The following PIK3R6 variants were observed in gnomAD, a reference collection of about 807,000 sequenced individuals.
The protein encoded by PIK3R6 is phosphoinositide-3-kinase regulatory subunit 6, also known as phosphoinositide 3-kinase regulatory subunit 6.
In PIK3R6, 91 loss-of-function variants were observed where a neutral mutation model predicts 84.9. That is an observed-to-expected ratio of 1.07 (90% confidence interval 0.90 to 1.28). PIK3R6 has a LOEUF of 1.28. PIK3R6 is among the 50% of genes most tolerant of loss of function. PIK3R6 has a pLI of 0.00. For missense variants in PIK3R6, 996 were observed against 985.1 expected (o/e 1.01, Z -0.15); for synonymous variants, 416 against 411.4 (o/e 1.01, Z -0.13).
chr17:8,835,301 T>A lies in PIK3R6; in HGVS notation c.617A>T (p.His206Leu), dbSNP rs759992602. The change falls in exon 8 of 20, where the codon CAC becomes CTC. Residue 206 changes from histidine to leucine, a missense_variant. By Grantham distance (99) the His-to-Leu change is moderately conservative (BLOSUM62 -3). Coordinates refer to ENST00000619866, the MANE Select transcript of PIK3R6 (RefSeq NM_001010855.4). ...ALQAALGEAC[H>L]AGALHRKLQA... is the part of the protein sequence containing the mutation. ...CAGCTTCCTGTGCAGAGCGCCTGCG[T>A]GACAGGCCTCCCCCAGAGCCGCCTG... The A allele has an allele frequency of 2.5e-6, 4 of 1,586,668 alleles. No homozygotes were observed. The East Asian group carries it at 6.8e-5, about 27-fold the overall frequency.
At chr17:8,808,320 C>G (rs544865104) in intron 18 of PIK3R6, among the ~76,000 whole-genome samples, 1 of 152,344 alleles carries the variant, frequency 6.6e-6, no homozygotes, top group African/African-American at 2.4e-5. Flanking sequence ...CCCTCCATAT[C>G]TGCATATGTG....
At chr17:8,825,821 T>A (rs2087897817) in intron 13 of PIK3R6, among the ~76,000 whole-genome samples, 1 of 152,252 alleles carries the variant, frequency 6.6e-6, no homozygotes, top group Non-Finnish European at 1.5e-5. Flanking sequence ...AAAAGTGCTA[T>A]GTCTGACTAC....
intron 2 of PIK3R6, among the ~76,000 whole-genome samples, chr17:8,843,903 T>A (rs529504937): frequency 2.5e-4 from 38 of 152,272 alleles, no homozygotes; most frequent in South Asian, 2.1e-3. Flanking sequence ...CTGAGGCTCC[T>A]GGCAAGTTGA....
chr17:8,826,240 G>GC (rs1567581453), intron 13 of PIK3R6, among the ~76,000 whole-genome samples: 1 of 152,210 alleles, frequency 6.6e-6, no homozygotes. Flanking sequence ...GTTTAGAACA[G>GC]TGCCCAGTGC....
At chr17:8,822,050 GTC>G in intron 16 of PIK3R6, 114 bp from the exon 17 acceptor site, 7 of 522,334 alleles carry the variant, frequency 1.3e-5, no homozygotes, top group Non-Finnish European at 2.2e-5. Context: ...TGCTGTGAGA[GTC>G]TTTTTTTTTT....
In PIK3R6 at chr17:8,857,875, G is replaced by A. The variant is rs2089179830; in HGVS notation, c.-91-7990C>T. Among the ~76,000 whole-genome samples the A allele has an allele frequency of 2.7e-5, 4 of 150,654 alleles. No individual in the cohort carries two copies. In the South Asian group the frequency reaches 8.4e-4, roughly 32 times the overall value. On this transcript the variant is annotated intron_variant, in intron 1 of 19. Transcript: ENST00000619866. ...CAATCGTGCCACTGCACACCAGCCT[G>A]GGCAACAAGAGTGAAACTCTGTCTC...
chr17:8,854,393 C>T (rs536122809), intron 1 of PIK3R6, among the ~76,000 whole-genome samples: 51 of 152,294 alleles, frequency 3.3e-4, no homozygotes, highest in African/African-American at 1.2e-3. Context: ...GTTATCCTCC[C>T]GCCTCGGTCT....
intron 17 of PIK3R6, among the ~76,000 whole-genome samples, 155 bp from the exon 18 acceptor site, chr17:8,819,353 A>C (rs1205835391): frequency 6.6e-6 from 1 of 152,020 alleles, no homozygotes; most frequent in Non-Finnish European, 1.5e-5. Flanking sequence ...GTCCCAGCCA[A>C]GTTACGTTTC....
intron 1 of PIK3R6, among the ~76,000 whole-genome samples, chr17:8,851,144 C>T (rs2088947451): frequency 6.6e-6 from 1 of 151,102 alleles, no homozygotes. Context: ...ATGGATCACG[C>T]ACTTCACACC....
intron 10 of PIK3R6, among the ~76,000 whole-genome samples, chr17:8,829,196 C>G (rs75835000): frequency 7.9e-6 from 1 of 127,116 alleles, no homozygotes; most frequent in African/African-American, 3.2e-5. Flanking sequence ...CAGACATACA[C>G]ACACGTGCAC....
chr17:8,828,532 AGC>A lies in PIK3R6; in HGVS notation c.1313+33_1313+34del, dbSNP rs750554054. On this transcript the variant is annotated intron_variant, in intron 11 of 19. Transcript: ENST00000619866. ...GCCAGGCCCACCTGTGCCCCTGACC[AGC>A]GCCCACCCCCAGCCCCCACGTCGGG... 7.2e-5 allele frequency: 115 copies of A among 1,600,552 alleles called. 1 individual carries two copies. The African/African-American group carries it at 1.3e-3, about 18-fold the overall frequency.
Position 8,850,517 on chromosome 17 carries a change from G to GCAAGCA in PIK3R6, c.-91-633_-91-632insTGCTTG, listed in dbSNP as rs1218327370. On this transcript the variant is annotated intron_variant, in intron 1 of 19. Transcript: ENST00000619866. ...CTATTCAAAGTTAAATAGCTAGTAA[G>GCAAGCA]CAAGGAATGAGGACTTGGAACTCAG... 2.0e-5 allele frequency among the ~76,000 whole-genome samples: 3 copies of GCAAGCA among 152,166 alleles called. No individual in the cohort carries two copies. In the East Asian group the frequency reaches 5.8e-4, roughly 29 times the overall value.
intron 1 of PIK3R6, among the ~76,000 whole-genome samples, chr17:8,863,792 C>G (rs969017952): frequency 6.6e-6 from 1 of 152,192 alleles, no homozygotes; most frequent in African/African-American, 2.4e-5. Context: ...CTCGGCCTCC[C>G]AAAGTGCTGG....
intron 18 of PIK3R6, among the ~76,000 whole-genome samples, chr17:8,815,486 C>T (rs931685897): frequency 4.1e-5 from 6 of 145,774 alleles, no homozygotes; most frequent in African/African-American, 1.6e-4. Flanking sequence ...AACCTGGCAA[C>T]AGAGTGAGAC....
At chr17:8,817,333 C>G (rs1393442414) in intron 18 of PIK3R6, among the ~76,000 whole-genome samples, 1 of 152,122 alleles carries the variant, frequency 6.6e-6, no homozygotes, top group Non-Finnish European at 1.5e-5. Context: ...AATAATGAAA[C>G]TTTTGTTTAT....
rs1239498033 is a variant in PIK3R6, at chr17:8,836,905, C to A, written c.277G>T (p.Glu93Ter). 5 of 1,485,376 alleles carry A rather than the reference C, an allele frequency of 3.4e-6. No individual in the cohort carries two copies. Among genetic ancestry groups the A allele is most frequent in the Non-Finnish European group, 4.5e-6 (5 of 1,104,770 alleles). 92.0% of individuals were successfully genotyped at this position (1,485,376 alleles called of 1,614,324 possible). Reference sequence around the variant, plus strand: ...AAGGCATAGATTCTCTGGTAGAGCTCTTCTGTGATTCCTGTGGCCTGGGTG... The same window carrying A: ...AAGGCATAGATTCTCTGGTAGAGCTATTCTGTGATTCCTGTGGCCTGGGTG... ...VLTKATGITE[E>*]LYQRIYAFCT... Residue 93 changes from glutamate to a stop codon, truncating the protein, a stop_gained, in exon 6 of 20, where the codon GAG (glutamate) becomes TAG (stop). Transcript: ENST00000619866. LOFTEE classifies it high-confidence loss of function.
At position 8,803,723 on chromosome 17, in the gene PIK3R6, G is replaced by C. The variant is rs2151161306; in HGVS notation, c.2109-294C>G. On this transcript the variant is annotated intron_variant, in intron 19 of 19. Coordinates refer to ENST00000619866, the MANE Select transcript of PIK3R6 (RefSeq NM_001010855.4). The surrounding 1 kb of genome is among the most constrained non-coding windows in gnomAD (Gnocchi z 5.0). The stretch of plus-strand genomic sequence containing the variant: ...AGCTAACTGGAACACAGATGCCACA[G>C]GTCAGCCTGTGTGGGAGGGGCCCGT... 4 of 549,534 alleles carry C rather than the reference G, an allele frequency of 7.3e-6. No individual in the cohort carries two copies. Among genetic ancestry groups the C allele is most frequent in the East Asian group, 3.1e-5 (1 of 32,426 alleles). 34.0% of individuals were successfully genotyped at this position (549,534 alleles called of 1,614,324 possible).
chr17:8,810,961 T>A (rs1429030273), intron 18 of PIK3R6, among the ~76,000 whole-genome samples: 2 of 148,856 alleles, frequency 1.3e-5, no homozygotes, highest in Non-Finnish European at 2.9e-5. Flanking sequence ...CAGCAGGGAC[T>A]CTGCATGGGG....
chr17:8,865,021 C>A (rs1477411863), intron 1 of PIK3R6, among the ~76,000 whole-genome samples: 1 of 152,176 alleles, frequency 6.6e-6, no homozygotes, highest in African/African-American at 2.4e-5. Context: ...GACCACAGAA[C>A]CATAGAAGCC....
Sources: allele counts gnomAD v4.1 joint callset (sites outside exome capture counted in the v4.1 genomes callset), GRCh38; gene constraint gnomAD v4.1.1; non-coding constraint Gnocchi (gnomAD v3.1); transcripts MANE v1.5; gene names NCBI Gene and HGNC (gene_info 2026-07-23, HGNC 2026-07-21).